MACF1: variants seen among roughly 807,000 people sequenced by gnomAD.
MACF1 encodes microtubule-actin cross-linking factor 1.
A neutral mutation model predicts 854.8 loss-of-function variants in MACF1; 193 were observed. The observed-to-expected ratio is 0.23, with a 90% CI of 0.20 to 0.25. The LOEUF (loss-of-function observed/expected upper bound fraction) is 0.25, where lower values mean the gene tolerates loss of function less well. MACF1 is among the 10% of genes least tolerant of loss of function. The pLI is 1.00. For synonymous variants in MACF1, 3,185 were observed against 3,226.7 expected, an observed-to-expected ratio of 0.99 and a Z score of 0.44; for missense variants, 7,722 against 8,929.1, an observed-to-expected ratio of 0.86 and a Z score of 5.45.
At chr1:39,212,871 C>T (rs1398079780) in intron 1 of MACF1, among the ~76,000 whole-genome samples, 1 of 152,240 alleles carries the variant, frequency 6.6e-6, no homozygotes, top group Non-Finnish European at 1.5e-5. Context: ...GTGATCTGCC[C>T]ACCTTGGCCT....
intron 2 of MACF1, among the ~76,000 whole-genome samples, chr1:39,152,271 C>T (rs1571106241): frequency 6.6e-6 from 1 of 152,094 alleles, no homozygotes; most frequent in Non-Finnish European, 1.5e-5. Flanking sequence ...CTGTGCCCGG[C>T]GTGCACAGTG....
intron 83 of MACF1, 33 bp downstream of exon 83, chr1:39,448,185 C>A: frequency 6.3e-7 from 1 of 1,589,902 alleles, no homozygotes; most frequent in Non-Finnish European, 8.5e-7. Context: ...GGTCCCAAGC[C>A]ATAGTATTCG....
At chr1:39,354,638 C>T (rs61779275) in intron 44 of MACF1, among the ~76,000 whole-genome samples, 24,937 of 152,070 alleles carry the variant, frequency 0.16, 2,446 homozygotes, top group Middle Eastern at 0.22. Flanking sequence ...CTCCTGACCT[C>T]GGGTGATTTG....
chr1:39,295,430 A>G (rs1322898548), intron 19 of MACF1, among the ~76,000 whole-genome samples: 4 of 152,240 alleles, frequency 2.6e-5, no homozygotes, highest in Non-Finnish European at 5.9e-5. Flanking sequence ...TCAAATAACT[A>G]TCCAGACAGA....
At chr1:39,461,800 A>C in intron 92 of MACF1, 83 bp from the exon 93 acceptor site, 3 of 833,772 alleles carry the variant, frequency 3.6e-6, no homozygotes, top group Non-Finnish European at 5.1e-6. Context: ...TCAAAAAAAA[A>C]AAAAAAAAAA....
chr1:39,372,428 A>T (rs745500170), intron 51 of MACF1, 51 bp from the exon 52 acceptor site: 16 of 1,010,534 alleles, frequency 1.6e-5, no homozygotes, highest in Non-Finnish European at 2.4e-5. Context: ...GTCCCTACTT[A>T]TGAGGAAAAA....
At chr1:39,147,477 C>T (rs1441128572) in intron 2 of MACF1, among the ~76,000 whole-genome samples, 1 of 147,602 alleles carries the variant, frequency 6.8e-6, no homozygotes, top group Admixed American at 6.8e-5. Flanking sequence ...TTTTTCCCCT[C>T]CCTTCCTTCC....
chr1:39,196,979 G>A (rs1484023128), intron 2 of MACF1, among the ~76,000 whole-genome samples: 4 of 152,078 alleles, frequency 2.6e-5, no homozygotes, highest in African/African-American at 9.7e-5. Context: ...TCATGGTTTG[G>A]GGCCCTGCCC....
At chr1:39,270,147 T>G (rs575537799) in intron 6 of MACF1, among the ~76,000 whole-genome samples, 67 of 152,346 alleles carry the variant, frequency 4.4e-4, no homozygotes, top group African/African-American at 1.3e-3. Context: ...AGGCAGCTGT[T>G]GTCAGTGTAC....
At chr1:39,244,034 T>G (rs1644953548) in intron 2 of MACF1, among the ~76,000 whole-genome samples, 1 of 151,948 alleles carries the variant, frequency 6.6e-6, no homozygotes. Context: ...GAAAAAAAAA[T>G]CTCTTTGCAT....
chr1:39,310,368 G>A lies in MACF1; in HGVS notation c.3040G>A (p.Glu1014Lys). 6.2e-7 allele frequency: 1 copy of A among 1,614,156 alleles called. No individual in the cohort carries two copies. The highest frequency in any genetic ancestry group is 2.2e-5 in the East Asian group (1 of 44,874). ...CTCAGTGGCTGATCGCTTGCGCTTG[G>A]AAGAGGAGGTGGAAGCTTGTAAAGC... ...LFSVADRLRL[E>K]EEVEACKARF... Residue 1014 changes from glutamate to lysine, a missense_variant, in exon 25 of 101, where the codon GAA (glutamate) becomes AAA (lysine). Glu to Lys is a moderately conservative substitution (Grantham distance 56). This residue lies in a region of MACF1 where 1,137 missense variants were observed against 1,263.0 expected (regional missense o/e 0.90). Transcript: ENST00000564288.
At position 39,480,014 on chromosome 1, in the gene MACF1, G is replaced by A. The variant is rs1203153180; in HGVS notation, c.22170+5G>A. The A allele has an allele frequency of 6.4e-7, 1 of 1,570,604 alleles. No homozygotes were observed. Among genetic ancestry groups the A allele is most frequent in the Non-Finnish European group, 8.7e-7 (1 of 1,151,920 alleles). ...ACCCCAGCCAGTGGAACCAAGGTAT[G>A]TACTGATCTCCATTATGCCCTTCTT... On this transcript the variant is annotated splice_donor_5th_base_variant and intron_variant, in intron 98 of 100. Coordinates refer to ENST00000564288, the MANE Select transcript of MACF1 (RefSeq NM_001394062.1).
Position 39,334,225 on chromosome 1 carries a change from T to C in MACF1, c.7637T>C (p.Ile2546Thr). 6.2e-7 allele frequency: 1 copy of C among 1,614,116 alleles called. No homozygotes were observed. Among genetic ancestry groups the C allele is most frequent in the Non-Finnish European group, 8.5e-7 (1 of 1,180,000 alleles). Reference protein sequence around the residue: ...KRVENLNIHQIFNPETKENIS... With the variant: ...KRVENLNIHQTFNPETKENIS... The stretch of plus-strand genomic sequence containing the variant: ...GTTGAGAACTTAAACATCCATCAGA[T>C]TTTTAATCCTGAAACGAAGGAAAAT... The change falls in exon 37 of 101, where the codon ATT (isoleucine) becomes ACT (threonine). Residue 2546 changes from isoleucine (I) to threonine (T), a missense_variant. Transcript: ENST00000564288.
Position 39,448,691 on chromosome 1 carries a change from G to T in MACF1, c.20186G>T (p.Ser6729Ile), listed in dbSNP as rs668556. 1 of 1,611,282 alleles carries T rather than the reference G, an allele frequency of 6.2e-7. No homozygotes were observed. The highest frequency in any genetic ancestry group is 8.5e-7 in the Non-Finnish European group (1 of 1,178,462). The change falls in exon 84 of 101, where the codon AGT becomes ATT. Residue 6729 changes from serine to isoleucine, a missense_variant. Physicochemically the swap from Ser to Ile is moderately radical, Grantham distance 142. Coordinates refer to ENST00000564288, the MANE Select transcript of MACF1 (RefSeq NM_001394062.1). Reference sequence around the variant, plus strand: ...GAAAAGACTTTGCTTCCCGAAGATAGTCAGAAACTTGACAATTTCCTAGGA... The same window carrying T: ...GAAAAGACTTTGCTTCCCGAAGATATTCAGAAACTTGACAATTTCCTAGGA... ...LKEKTLLPEDSQKLDNFLGEV... is the reference protein window; with the variant it reads ...LKEKTLLPEDIQKLDNFLGEV...
intron 49 of MACF1, 84 bp from the exon 50 acceptor site, chr1:39,368,064 C>A: frequency 9.2e-7 from 1 of 1,082,348 alleles, no homozygotes; most frequent in Non-Finnish European, 1.3e-6. Flanking sequence ...TTTGACCTGG[C>A]AAGCATACCT....
chr1:39,357,994 TA>T (rs1404351629), intron 45 of MACF1, 101 bp downstream of exon 45: 5 of 1,203,606 alleles, frequency 4.2e-6, no homozygotes, highest in Non-Finnish European at 5.7e-6. Flanking sequence ...CAGGACACAG[TA>T]GGAGAGCTGA....
At chr1:39,278,491 A>G (rs1645480398) in intron 6 of MACF1, among the ~76,000 whole-genome samples, 1 of 152,184 alleles carries the variant, frequency 6.6e-6, no homozygotes, top group Admixed American at 6.5e-5. Flanking sequence ...AGATGTTATT[A>G]GAAAGATTAT....
chr1:39,458,685 T>C (rs1477175073), intron 90 of MACF1, 195 bp downstream of exon 90: 11 of 672,624 alleles, frequency 1.6e-5, no homozygotes, highest in Admixed American at 9.7e-5. Context: ...TTTGGTATGA[T>C]TGGTATGAAA....
At chr1:39,309,741 A>ATT in intron 24 of MACF1, 45 bp downstream of exon 24, 3 of 1,586,224 alleles carry the variant, frequency 1.9e-6, no homozygotes, top group Non-Finnish European at 2.6e-6. Flanking sequence ...CATTGGCAAG[A>ATT]TTTTTTCAGA....
Sources: allele counts gnomAD v4.1 joint callset (sites outside exome capture counted in the v4.1 genomes callset), GRCh38; gene constraint gnomAD v4.1.1; regional missense constraint gnomAD v4.1.1; transcripts MANE v1.5; gene names NCBI Gene and HGNC (gene_info 2026-07-23, HGNC 2026-07-21).